HRH1: variants seen among roughly 807,000 people sequenced by gnomAD.
HRH1 encodes the protein histamine receptor H1, also known as histamine H1 receptor.
Under a neutral mutation model 10.3 loss-of-function variants are expected in HRH1, and 6 were observed. That is an observed-to-expected ratio of 0.58 (90% CI 0.32 to 1.15). The LOEUF (loss-of-function observed/expected upper bound fraction) is 1.15, where lower values mean the gene tolerates loss of function less well. Among genes scored for constraint, HRH1 ranks in the 50% most tolerant of loss-of-function variants. The pLI is 0.05. For missense variants in HRH1, 514 were observed against 615.3 expected, an observed-to-expected ratio of 0.84 and a Z score of 1.74; for synonymous variants, 242 against 236.7, an observed-to-expected ratio of 1.02 and a Z score of -0.21.
At chr3:11,185,467 G>A (rs193101306) in intron 1 of HRH1, among the ~76,000 whole-genome samples, 5 of 152,286 alleles carry the variant, frequency 3.3e-5, no homozygotes, top group Non-Finnish European at 7.4e-5. Flanking sequence ...CAAGAACTGT[G>A]TCTCACCTGC....
intron 1 of HRH1, among the ~76,000 whole-genome samples, chr3:11,192,919 A>T (rs1937576739): frequency 6.6e-6 from 1 of 152,162 alleles, no homozygotes; most frequent in Admixed American, 6.6e-5. Flanking sequence ...GGTATGGGCT[A>T]ATCTCTTATT....
intron 1 of HRH1, chr3:11,234,669 G>T: frequency 8.0e-7 from 1 of 1,246,420 alleles, no homozygotes; most frequent in Non-Finnish European, 1.2e-6. Flanking sequence ...CTTCCTGCCG[G>T]CAGTAGGACA....
Position 11,158,426 on chromosome 3 carries a change from G to A in HRH1, c.-36+3872G>A, listed in dbSNP as rs1936860151. ...AGGTTCAGAGGGGTTGGTGAAATAA[G>A]TTACAGAGTTTAGAAGCAGCAGAAA... On this transcript the variant is annotated intron_variant, in intron 1 of 1. Coordinates refer to ENST00000431010, the MANE Select transcript of HRH1 (RefSeq NM_001098212.2). 2.6e-5 allele frequency among the ~76,000 whole-genome samples: 4 copies of A among 152,232 alleles called. No individual in the cohort carries two copies. In the South Asian group the frequency reaches 8.3e-4, roughly 32 times the overall value.
chr3:11,241,636 ATCC>A (rs1939339610), intron 1 of HRH1, among the ~76,000 whole-genome samples: 1 of 151,848 alleles, frequency 6.6e-6, no homozygotes, highest in African/African-American at 2.4e-5. Context: ...GATCGAAACC[ATCC>A]TGGCTAACAC....
At chr3:11,219,175 G>A (rs557709317) in intron 1 of HRH1, among the ~76,000 whole-genome samples, 2 of 152,036 alleles carry the variant, frequency 1.3e-5, no homozygotes, top group African/African-American at 2.4e-5. Context: ...AGGAGTGAGC[G>A]ACCGCGCCTG....
Position 11,164,020 on chromosome 3 carries a change from C to T in HRH1, c.-36+9466C>T, listed in dbSNP as rs1306257908. On this transcript the variant is annotated intron_variant, in intron 1 of 1. Transcript: ENST00000431010. ...CCTCCATATCCCTGGTACCCATCGACGTGCAAGGAACATAGTGCACTCTCT... is the reference window on the plus strand; with the variant it reads ...CCTCCATATCCCTGGTACCCATCGATGTGCAAGGAACATAGTGCACTCTCT... Among the ~76,000 whole-genome samples, 6 of 152,256 alleles carry T rather than the reference C, an allele frequency of 3.9e-5. No individual in the cohort carries two copies. The East Asian group carries it at 5.8e-4, about 15-fold the overall frequency.
intron 1 of HRH1, among the ~76,000 whole-genome samples, chr3:11,192,837 T>G (rs1937573342): frequency 6.6e-6 from 1 of 152,186 alleles, no homozygotes; most frequent in African/African-American, 2.4e-5. Flanking sequence ...AGTCTTCTTA[T>G]AGTTCTCTGT....
chr3:11,150,603 A>G (rs1032951214), upstream of HRH1, among the ~76,000 whole-genome samples: 3 of 152,270 alleles, frequency 2.0e-5, no homozygotes, highest in Admixed American at 2.0e-4. Flanking sequence ...CTCTGTGCAA[A>G]TGCAAAGATG....
rs530578940 is a variant in HRH1 at position 11,179,785 on chromosome 3, T to C, written c.-36+25231T>C. 4.7e-3 allele frequency among the ~76,000 whole-genome samples: 703 copies of C among 150,048 alleles called. 7 individuals carry two copies. The highest frequency in any genetic ancestry group is 0.019 in the South Asian group (92 of 4,750). ...TGTGTGTGGCTTTTTTTTTTTTTTT[T>C]ATAGAGACAAGGTGTCACTCTGCCA... On this transcript the variant is annotated intron_variant, in intron 1 of 1. Coordinates refer to ENST00000431010, the MANE Select transcript of HRH1 (RefSeq NM_001098212.2).
Position 11,259,417 on chromosome 3 carries a change from G to A in HRH1, c.380G>A (p.Arg127His), listed in dbSNP as rs768016566. 19 of 1,613,638 alleles carry A rather than the reference G, an allele frequency of 1.2e-5. No individual in the cohort carries two copies. The African/African-American group carries it at 1.2e-4, about 10-fold the overall frequency. ...TTCATCCTGTGCATTGATCGCTACC[G>A]CTCTGTCCAGCAGCCCCTCAGGTAC... ...SVFILCIDRY[R>H]SVQQPLRYLK... The change falls in exon 2 of 2, where the codon CGC becomes CAC. Residue 127 changes from arginine (R) to histidine (H), a missense_variant. Physicochemically the swap from Arg to His is conservative, Grantham distance 29. Coordinates refer to ENST00000431010, the MANE Select transcript of HRH1 (RefSeq NM_001098212.2). This position sits in a 1 kb window ranked among gnomAD's most constrained non-coding sequence, Gnocchi z 4.6.
chr3:11,149,219 C>A (rs942165667), intron 1 of HRH1, among the ~76,000 whole-genome samples: 1 of 152,186 alleles, frequency 6.6e-6, no homozygotes, highest in Non-Finnish European at 1.5e-5. Context: ...ATAAAAGGTG[C>A]AATCTATAGA....
upstream of HRH1, among the ~76,000 whole-genome samples, chr3:11,150,281 T>C: frequency 6.6e-6 from 1 of 152,250 alleles, no homozygotes. Flanking sequence ...CTAAATAACA[T>C]GCTGGCCCCT....
intron 1 of HRH1, among the ~76,000 whole-genome samples, chr3:11,156,021 G>T (rs1193017713): frequency 3.3e-5 from 5 of 152,198 alleles, no homozygotes; most frequent in African/African-American, 1.2e-4. Context: ...TCTAGATTAT[G>T]AATGAAACTG....
chr3:11,180,942 C>CT (rs1937339166), intron 1 of HRH1, among the ~76,000 whole-genome samples: 1 of 139,328 alleles, frequency 7.2e-6, no homozygotes, highest in South Asian at 2.3e-4. Context: ...ACACTTCTCT[C>CT]AGGCATACAC....
intron 1 of HRH1, among the ~76,000 whole-genome samples, chr3:11,238,814 C>G (rs1216137460): frequency 6.6e-6 from 1 of 152,180 alleles, no homozygotes; most frequent in African/African-American, 2.4e-5. Flanking sequence ...CTTCATTCAC[C>G]TAGCATGATG....
chr3:11,208,122 TAAAGCAA>T (rs1938202563), intron 1 of HRH1, among the ~76,000 whole-genome samples: 1 of 151,874 alleles, frequency 6.6e-6, no homozygotes, highest in Admixed American at 6.6e-5. Flanking sequence ...CACTTTTCTT[TAAAGCAA>T]TTTTAGATTG....
intron 1 of HRH1, among the ~76,000 whole-genome samples, chr3:11,208,898 C>T (rs932329859): frequency 1.3e-5 from 2 of 152,052 alleles, no homozygotes; most frequent in African/African-American, 4.8e-5. Flanking sequence ...ACTGCAGAGC[C>T]AAAGAATATG....
At chr3:11,236,328 C>CTG (rs746761238) in intron 1 of HRH1, among the ~76,000 whole-genome samples, 20 of 152,296 alleles carry the variant, frequency 1.3e-4, no homozygotes, top group Middle Eastern at 6.8e-3. Flanking sequence ...ACCTGGGAGG[C>CTG]TGAGGCAGGA....
rs184005582 is a variant in HRH1 at position 11,213,707 on chromosome 3, C to T, written c.-35-45296C>T. 1.8e-4 allele frequency among the ~76,000 whole-genome samples: 28 copies of T among 152,298 alleles called. No homozygotes were observed. The South Asian group carries it at 4.3e-3, about 24-fold the overall frequency. On this transcript the variant is annotated intron_variant, in intron 1 of 1. Transcript: ENST00000431010. ...ATTAATCCCATTCACGAGGGTGGAG[C>T]CCTCATAGCCTAATCACCTCCCAAA...
Sources: allele counts gnomAD v4.1 joint callset (sites outside exome capture counted in the v4.1 genomes callset), GRCh38; gene constraint gnomAD v4.1.1; non-coding constraint Gnocchi (gnomAD v3.1); transcripts MANE v1.5; gene names NCBI Gene and HGNC (gene_info 2026-07-23, HGNC 2026-07-21).